MGAT5: variants seen among roughly 807,000 people sequenced by gnomAD.
The protein encoded by MGAT5 is alpha-1,6-mannosylglycoprotein 6-beta-N-acetylglucosaminyltransferase A.
MGAT5 carries 30 observed loss-of-function variants against 94.3 expected under a neutral mutation model. The observed-to-expected ratio is 0.32, with a 90% CI of 0.24 to 0.43. The LOEUF is 0.43. Among genes scored for constraint, MGAT5 ranks in the 20% least tolerant of loss-of-function variants. MGAT5 has a pLI of 1.00. For missense variants in MGAT5, 691 were observed against 905.5 expected, an observed-to-expected ratio of 0.76 and a Z score of 3.04; for synonymous variants, 310 against 322.9, an observed-to-expected ratio of 0.96 and a Z score of 0.43.
At chr2:134,280,025 G>A (rs1010890968) in intron 2 of MGAT5, among the ~76,000 whole-genome samples, 4 of 152,094 alleles carry the variant, frequency 2.6e-5, no homozygotes, top group Non-Finnish European at 4.4e-5. Flanking sequence ...GGTTTTGTAG[G>A]TTTGAAGATT....
At chr2:134,177,621 G>T (rs574520510) in intron 1 of MGAT5, among the ~76,000 whole-genome samples, 1 of 152,296 alleles carries the variant, frequency 6.6e-6, no homozygotes, top group East Asian at 1.9e-4. Context: ...GCATTCTTCT[G>T]TCCAAATGAA....
chr2:134,321,550 G>C (rs921962875), intron 4 of MGAT5, among the ~76,000 whole-genome samples: 7 of 152,172 alleles, frequency 4.6e-5, no homozygotes, highest in Non-Finnish European at 8.8e-5. Flanking sequence ...AAGTAGAGAG[G>C]AATACGGGAT....
In MGAT5 at chr2:134,362,412, A is replaced by C; in HGVS notation, c.1380+4A>C. The stretch of plus-strand genomic sequence containing the variant: ...CAAAGTGGATAGCTTCTGGAAGGTG[A>C]GTCAGTCTGTGCGTGTCTCTCTCTC... On this transcript the variant is annotated splice_donor_region_variant and intron_variant, in intron 10 of 15. Transcript: ENST00000281923. 1 of 1,613,872 alleles carries C rather than the reference A, an allele frequency of 6.2e-7. No homozygotes were observed. The highest frequency in any genetic ancestry group is 8.5e-7 in the Non-Finnish European group (1 of 1,179,854).
At chr2:134,289,448 G>A (rs565105424) in intron 2 of MGAT5, among the ~76,000 whole-genome samples, 7 of 152,274 alleles carry the variant, frequency 4.6e-5, no homozygotes, top group South Asian at 2.1e-4. Flanking sequence ...CTGAGTCAGC[G>A]GAACACTGTG....
intron 1 of MGAT5, among the ~76,000 whole-genome samples, chr2:134,215,486 A>C (rs1023057281): frequency 6.6e-6 from 1 of 152,194 alleles, no homozygotes; most frequent in African/African-American, 2.4e-5. Flanking sequence ...ATGGAAGAGG[A>C]ACAGGCATGT....
chr2:134,185,118 T>C (rs991679436), intron 1 of MGAT5, among the ~76,000 whole-genome samples: 8 of 152,094 alleles, frequency 5.3e-5, no homozygotes, highest in African/African-American at 1.9e-4. Context: ...AATGATATGA[T>C]GGACTTTGGG....
chr2:134,166,970 A>G (rs1212704662), intron 1 of MGAT5, among the ~76,000 whole-genome samples: 1 of 152,232 alleles, frequency 6.6e-6, no homozygotes, highest in Non-Finnish European at 1.5e-5. Context: ...TTTGATCTCT[A>G]TTAACTACAA....
chr2:134,166,830 C>A (rs555175576), intron 1 of MGAT5, among the ~76,000 whole-genome samples: 1 of 152,100 alleles, frequency 6.6e-6, no homozygotes, highest in Non-Finnish European at 1.5e-5. Flanking sequence ...CCTCAGGACC[C>A]GTAGAAAGCT....
At chr2:134,418,468 G>C (rs1684098528) in intron 12 of MGAT5, among the ~76,000 whole-genome samples, 2 of 152,210 alleles carry the variant, frequency 1.3e-5, no homozygotes, top group Admixed American at 6.5e-5. Flanking sequence ...CAGGAGGGCA[G>C]GATGCAGAGG....
intron 14 of MGAT5, among the ~76,000 whole-genome samples, chr2:134,441,238 A>C (rs1324679416): frequency 2.0e-5 from 3 of 152,194 alleles, no homozygotes; most frequent in African/African-American, 7.2e-5. Flanking sequence ...TCTTCACCTC[A>C]CAGCGTCAGA....
chr2:134,438,567 G>A (rs995648335), intron 14 of MGAT5, among the ~76,000 whole-genome samples: 2 of 152,148 alleles, frequency 1.3e-5, no homozygotes, highest in African/African-American at 2.4e-5. Flanking sequence ...AGAAAGCAAC[G>A]GCCACCAGTG....
intron 4 of MGAT5, among the ~76,000 whole-genome samples, chr2:134,324,054 C>G (rs561675048): frequency 6.6e-6 from 1 of 152,284 alleles, no homozygotes; most frequent in South Asian, 2.1e-4. Context: ...TTCTTCATCT[C>G]TGTTGATATT....
chr2:134,251,173 G>C (rs1169874733), upstream of MGAT5, among the ~76,000 whole-genome samples: 1 of 151,364 alleles, frequency 6.6e-6, no homozygotes, highest in East Asian at 1.9e-4. Context: ...TCAAAATTAA[G>C]TAATGAGTAA....
chr2:134,434,379 T>C (rs971476072), intron 14 of MGAT5, among the ~76,000 whole-genome samples: 13 of 152,224 alleles, frequency 8.5e-5, no homozygotes, highest in African/African-American at 3.1e-4. Context: ...GCATGGAAAT[T>C]TCAGGATAGT....
chr2:134,274,659 T>G (rs1170779650), intron 2 of MGAT5, among the ~76,000 whole-genome samples: 1 of 152,248 alleles, frequency 6.6e-6, no homozygotes, highest in African/African-American at 2.4e-5. Context: ...CAGTGCTGAC[T>G]GTTCCTTAAA....
At chr2:134,187,684 A>C (rs924215468) in intron 1 of MGAT5, among the ~76,000 whole-genome samples, 3 of 152,198 alleles carry the variant, frequency 2.0e-5, no homozygotes, top group African/African-American at 7.2e-5. Context: ...CTATGTCCCG[A>C]GTGTCTAGAA....
rs191219821 is a variant in MGAT5, at chr2:134,205,632, T to G, written c.-142-48630T>G. On this transcript the variant is annotated intron_variant, in intron 1 of 16. Coordinates refer to the MGAT5 transcript ENST00000409645. ...TGAAGTGGAGCTCATGAGTGGCACA[T>G]GGATGTTTGGATCTGGACCTTGTTC... 1.3e-3 allele frequency among the ~76,000 whole-genome samples: 197 copies of G among 152,234 alleles called. 2 individuals carry two copies. The highest frequency in any genetic ancestry group is 4.2e-3 in the African/African-American group (174 of 41,564).
rs566687106 is a variant in MGAT5 at position 134,275,687 on chromosome 2, C to G, written c.406+5137C>G. ...CAGCCTCGACCTTCCATGTCCCCACCCCCTGCCGCCTCAGCCTTCTGAGTA... is the reference window on the plus strand; with the variant it reads ...CAGCCTCGACCTTCCATGTCCCCACGCCCTGCCGCCTCAGCCTTCTGAGTA... On this transcript the variant is annotated intron_variant, in intron 2 of 15. Coordinates refer to ENST00000281923, the MANE Select transcript of MGAT5 (RefSeq NM_002410.5). Among the ~76,000 whole-genome samples, 6 of 151,636 alleles carry G rather than the reference C, an allele frequency of 4.0e-5. No homozygotes were observed. The South Asian group carries it at 8.4e-4, about 21-fold the overall frequency.
At chr2:134,344,795 AT>A in intron 7 of MGAT5, 134 bp from the exon 8 acceptor site, 1 of 1,001,866 alleles carries the variant, frequency 1.0e-6, no homozygotes. Flanking sequence ...TAGGTAGCAG[AT>A]TTGAAAGGGC....
Sources: allele counts gnomAD v4.1 joint callset (sites outside exome capture counted in the v4.1 genomes callset), GRCh38; gene constraint gnomAD v4.1.1; transcripts MANE v1.5; gene names NCBI Gene and HGNC (gene_info 2026-07-23, HGNC 2026-07-21).